The following NF1 variants were observed in gnomAD, a reference collection of about 807,000 sequenced individuals.
The protein encoded by NF1 is neurofibromin.
Under a neutral mutation model 325.7 loss-of-function variants are expected in NF1, and 122 were observed. That is an observed-to-expected ratio of 0.37 (90% CI 0.32 to 0.44). The LOEUF (loss-of-function observed/expected upper bound fraction) is 0.44. Among genes scored for constraint, NF1 ranks in the 20% least tolerant of loss-of-function variants. The pLI is 1.00. For missense variants in NF1, 2,140 were observed against 3,415.4 expected (o/e 0.63, Z 9.31); for synonymous variants, 1,091 against 1,186.0 (o/e 0.92, Z 1.65).
rs1019126240 is a variant in NF1 at position 31,227,423 on chromosome 17, C to T, written c.2326-100C>T. The T allele has an allele frequency of 2.2e-5, 31 of 1,412,224 alleles. No homozygotes were observed. In the African/African-American group the frequency reaches 3.8e-4, roughly 17 times the overall value. The allele number at this position is 1,412,224 out of a possible 1,614,324, so 87.5% of individuals were successfully genotyped here. A position where few individuals can be genotyped will look rare whatever the true frequency, so the allele number is the denominator to read the frequency against. On this transcript the variant is annotated intron_variant, in intron 19 of 57. Coordinates refer to ENST00000358273, the MANE Select transcript of NF1 (RefSeq NM_001042492.3). ...TACGTGCATATTACAAGTATAATAT[C>T]TGAGTATTTAATATACATCAAGTTT... is the stretch of plus-strand genomic sequence containing the variant.
chr17:31,264,270 G>A (rs765569814), intron 35 of NF1, among the ~76,000 whole-genome samples: 55 of 152,022 alleles, frequency 3.6e-4, no homozygotes, highest in Non-Finnish European at 5.3e-4. Flanking sequence ...AATTAGCCAG[G>A]TGTGGTGGTG....
At chr17:31,334,675 C>G (rs545155888) in intron 39 of NF1, 163 bp from the exon 40 acceptor site, 2 of 631,808 alleles carry the variant, frequency 3.2e-6, no homozygotes, top group African/African-American at 1.8e-5. Flanking sequence ...ACTGTTCTTT[C>G]TTCGCCTCTA....
intron 1 of NF1, among the ~76,000 whole-genome samples, chr17:31,106,695 G>A (rs1236600199): frequency 2.0e-5 from 3 of 152,122 alleles, no homozygotes; most frequent in Admixed American, 1.3e-4. Context: ...TAAATTTTAA[G>A]CATTATATAT....
intron 1 of NF1, among the ~76,000 whole-genome samples, chr17:31,108,262 GTTTTTT>G (rs56180844): frequency 9.7e-5 from 8 of 82,532 alleles, no homozygotes; most frequent in Admixed American, 1.5e-4. Flanking sequence ...AAAGTAGAGA[GTTTTTT>G]TTTTTTTTTT....
At chr17:31,244,482 G>C (rs1165411812) in intron 29 of NF1, among the ~76,000 whole-genome samples, 2 of 152,136 alleles carry the variant, frequency 1.3e-5, no homozygotes, top group Non-Finnish European at 2.9e-5. Flanking sequence ...CTGGAACTCA[G>C]GTTTCAACAG....
chr17:31,209,315 A>G (rs547655560), intron 12 of NF1, among the ~76,000 whole-genome samples: 15 of 152,366 alleles, frequency 9.8e-5, no homozygotes, highest in African/African-American at 2.9e-4. Context: ...AGAAGTAGCA[A>G]TCTAGGAGTT....
chr17:31,186,657 C>T (rs1362936382), intron 8 of NF1, among the ~76,000 whole-genome samples: 1 of 152,178 alleles, frequency 6.6e-6, no homozygotes, highest in East Asian at 1.9e-4. Flanking sequence ...TGAGTGCTCA[C>T]CAACAGGTGA....
chr17:31,322,905 T>C (rs1040972235), intron 36 of NF1, among the ~76,000 whole-genome samples: 1 of 152,190 alleles, frequency 6.6e-6, no homozygotes, highest in African/African-American at 2.4e-5. Flanking sequence ...CTATTTTAGA[T>C]CCTTATCAGG....
intron 36 of NF1, among the ~76,000 whole-genome samples, chr17:31,312,224 A>G (rs982528261): frequency 5.9e-5 from 9 of 152,232 alleles, no homozygotes; most frequent in African/African-American, 1.9e-4. Context: ...AAAAACATGT[A>G]TGGGACCAGG....
At chr17:31,362,680 G>C (rs1412650354) in intron 57 of NF1, among the ~76,000 whole-genome samples, 1 of 152,120 alleles carries the variant, frequency 6.6e-6, no homozygotes, top group African/African-American at 2.4e-5. Context: ...TTAAAAGTCT[G>C]CTTCATCTTA....
At chr17:31,295,654 C>T in intron 36 of NF1, 1 of 1,614,088 alleles carries the variant, frequency 6.2e-7, no homozygotes, top group Non-Finnish European at 8.5e-7. Context: ...CACATGACCA[C>T]CTGTTATTGT....
At chr17:31,278,606 T>G (rs1249461081) in intron 36 of NF1, among the ~76,000 whole-genome samples, 3 of 148,308 alleles carry the variant, frequency 2.0e-5, no homozygotes, top group Middle Eastern at 3.2e-3. Context: ...ATTCATTCGT[T>G]TATTTTTTTA....
intron 29 of NF1, among the ~76,000 whole-genome samples, chr17:31,246,475 T>C (rs1446792435): frequency 6.6e-6 from 1 of 152,250 alleles, no homozygotes; most frequent in Non-Finnish European, 1.5e-5. Flanking sequence ...GAAACAAAAT[T>C]ACTAATTAAC....
At chr17:31,302,572 T>C (rs1393033285) in intron 36 of NF1, among the ~76,000 whole-genome samples, 2 of 152,064 alleles carry the variant, frequency 1.3e-5, no homozygotes, top group African/African-American at 4.8e-5. Flanking sequence ...CCGGGCACGG[T>C]GGCTCACGGC....
chr17:31,189,908 T>C (rs569657189), intron 8 of NF1, among the ~76,000 whole-genome samples: 9 of 151,490 alleles, frequency 5.9e-5, no homozygotes, highest in Non-Finnish European at 7.4e-5. Flanking sequence ...ATTACAGGCA[T>C]GCGCCACCAC....
intron 5 of NF1, among the ~76,000 whole-genome samples, chr17:31,172,168 C>CA (rs938545245): frequency 5.3e-5 from 8 of 151,202 alleles, no homozygotes; most frequent in African/African-American, 1.5e-4. Context: ...CCCATATATA[C>CA]AAAAAAAAAT....
intron 49 of NF1, 57 bp from the exon 50 acceptor site, chr17:31,350,126 T>C: frequency 6.3e-7 from 1 of 1,599,760 alleles, no homozygotes; most frequent in Non-Finnish European, 8.6e-7. Context: ...TTCATCCTGT[T>C]TTAAGTCACA....
At chr17:31,098,048 C>T (rs1291652086) in intron 1 of NF1, among the ~76,000 whole-genome samples, 1 of 150,790 alleles carries the variant, frequency 6.6e-6, no homozygotes, top group Non-Finnish European at 1.5e-5. Context: ...AGTCTCTGAC[C>T]TTGAGATACA....
At chr17:31,304,082 C>A in intron 36 of NF1, 1 of 536,422 alleles carries the variant, frequency 1.9e-6, no homozygotes, top group Non-Finnish European at 3.2e-6. Context: ...AAATAGATTA[C>A]TGTTAAATAA....
Sources: gnomAD v4.1 joint callset for allele counts (sites outside exome capture counted in the v4.1 genomes callset) on GRCh38, gnomAD v4.1.1 for gene constraint, MANE v1.5 for transcripts, NCBI Gene and HGNC (gene_info 2026-07-23, HGNC 2026-07-21) for gene names.